TMPRSS6: variants seen among roughly 807,000 people sequenced by gnomAD.
TMPRSS6 encodes transmembrane serine protease 6.
A neutral mutation model predicts 101.5 loss-of-function variants in TMPRSS6; 67 were observed. The observed-to-expected ratio is 0.66, with a 90% CI of 0.54 to 0.81. The LOEUF is 0.81. Among genes scored for constraint, TMPRSS6 ranks in the 30% least tolerant of loss-of-function variants. The pLI is 0.00. For synonymous variants in TMPRSS6, 453 were observed against 464.9 expected (o/e 0.97, Z 0.33); for missense variants, 1,034 against 1,088.7 (o/e 0.95, Z 0.71).
chr22:37,076,604 C>G (rs979673411), intron 10 of TMPRSS6, among the ~76,000 whole-genome samples: 1 of 152,204 alleles, frequency 6.6e-6, no homozygotes, highest in Non-Finnish European at 1.5e-5. Flanking sequence ...CCTCACCCCA[C>G]AGAGCAAGTG....
chr22:37,095,584 C>T lies in TMPRSS6; in HGVS notation c.598G>A (p.Val200Met), dbSNP rs765416102. 2.5e-6 allele frequency: 4 copies of T among 1,607,760 alleles called. No individual in the cohort carries two copies. Among genetic ancestry groups the T allele is most frequent in the Non-Finnish European group, 3.4e-6 (4 of 1,178,344 alleles). The part of the protein sequence containing the change: ...PEGLVILEAS[V>M]KDIAALNSTL... ...GAATTCAATGCAGCTATGTCTTTCACACTGGCTTCTGATAAAAGGAAATGA... is the reference window on the plus strand; with the variant it reads ...GAATTCAATGCAGCTATGTCTTTCATACTGGCTTCTGATAAAAGGAAATGA... Residue 200 changes from valine (V) to methionine (M), a missense_variant, in exon 6 of 18, where the codon GTG becomes ATG. Val to Met is a conservative substitution (Grantham distance 21, BLOSUM62 1). Transcript: ENST00000676104.
chr22:37,095,623 C>T (rs750162187), intron 5 of TMPRSS6, 31 bp from the exon 6 acceptor site: 10 of 1,329,558 alleles, frequency 7.5e-6, no homozygotes, highest in Non-Finnish European at 1.0e-5. Context: ...AACAAATAAA[C>T]AAGAACAAAA....
rs539516978 is a variant in TMPRSS6 at position 37,083,225 on chromosome 22, A to G, written c.1196+1070T>C. The G allele has an allele frequency of 1.4e-4, 52 of 375,300 alleles. 1 individual carries two copies. The highest frequency in any genetic ancestry group is 8.5e-4 in the Middle Eastern group (2 of 2,348). The allele number at this position is 375,300 out of a possible 1,614,324, so 23.2% of individuals were successfully genotyped here. A position where few individuals can be genotyped will look rare whatever the true frequency, so the allele number is the denominator to read the frequency against. On this transcript the variant is annotated intron_variant, in intron 10 of 17. Coordinates refer to ENST00000676104, the MANE Select transcript of TMPRSS6 (RefSeq NM_001374504.1). ...TCTCCTCTTTCCTGACGCTGACACG[A>G]TGACCGTTTTCACCCCGGATTCCCA...
At position 37,070,622 on chromosome 22, in the gene TMPRSS6, A is replaced by G. The variant is rs149567231; in HGVS notation, c.1703T>C (p.Ile568Thr). Residue 568 changes from isoleucine (I) to threonine (T), a missense_variant, in exon 15 of 18, where the codon ATT (isoleucine) becomes ACT (threonine). By Grantham distance (89) the Ile-to-Thr change is moderately conservative. Transcript: ENST00000676104. ...DCGLQGPSSR[I>T]VGGAVSSEGE... ...CTCGGAGGACACAGCTCCACCAACAATGCGGCTGGAGGGGCCCTGGAGGCC... is the reference window on the plus strand; with the variant it reads ...CTCGGAGGACACAGCTCCACCAACAGTGCGGCTGGAGGGGCCCTGGAGGCC... The G allele has an allele frequency of 9.4e-5, 151 of 1,611,692 alleles. No individual in the cohort carries two copies. Among genetic ancestry groups the G allele is most frequent in the Non-Finnish European group, 1.2e-4 (143 of 1,179,254 alleles).
intron 15 of TMPRSS6, among the ~76,000 whole-genome samples, 169 bp downstream of exon 15, chr22:37,070,315 C>T (rs112687578): frequency 1.3e-5 from 2 of 152,254 alleles, no homozygotes; most frequent in East Asian, 1.9e-4. Context: ...TGTCCGGGGA[C>T]CCAGAAGGTC....
chr22:37,075,389 G>A (rs570718248), intron 10 of TMPRSS6, 109 bp from the exon 11 acceptor site: 74 of 1,439,632 alleles, frequency 5.1e-5, no homozygotes, highest in African/African-American at 3.1e-4. Context: ...CTGCACGCCC[G>A]CTGTGCCTCC....
In TMPRSS6 at chr22:37,074,643, C is replaced by CAAGGA. The variant is rs1927447535; in HGVS notation, c.1407_1408insTCCTT (p.Asp470SerfsTer68). On this transcript the variant is annotated frameshift_variant, in exon 12 of 18. Transcript: ENST00000676104. LOFTEE classifies it high-confidence loss of function. ...CTCTCATCCAGGCCGTTGGGGCAGTCCTTGACCCCATCACAGGCAGGGACA... is the reference window on the plus strand; with the variant it reads ...CTCTCATCCAGGCCGTTGGGGCAGTCAAGGACTTGACCCCATCACAGGCAGGGACA... The CAAGGA allele has an allele frequency of 6.2e-7, 1 of 1,614,078 alleles. No individual in the cohort carries two copies. The highest frequency in any genetic ancestry group is 8.5e-7 in the Non-Finnish European group (1 of 1,180,036).
At chr22:37,076,863 A>G (rs1312567852) in intron 10 of TMPRSS6, among the ~76,000 whole-genome samples, 1 of 152,192 alleles carries the variant, frequency 6.6e-6, no homozygotes, top group East Asian at 1.9e-4. Flanking sequence ...CTGGCAGAGA[A>G]AGCAGATGGA....
chr22:37,082,910 A>T (rs752399324), intron 10 of TMPRSS6: 9 of 458,366 alleles, frequency 2.0e-5, no homozygotes, highest in Non-Finnish European at 4.0e-5. Flanking sequence ...AGTCAAGCAA[A>T]CCTTGTCATT....
chr22:37,093,599 C>T (rs1481462776), intron 6 of TMPRSS6, among the ~76,000 whole-genome samples: 2 of 149,956 alleles, frequency 1.3e-5, no homozygotes, highest in African/African-American at 2.4e-5. Flanking sequence ...GACGGGGTTT[C>T]GCCTTCTTGG....
chr22:37,098,578 T>A, intron 2 of TMPRSS6, 29 bp from the exon 3 acceptor site: 1 of 1,614,052 alleles, frequency 6.2e-7, no homozygotes. Flanking sequence ...GCAGGGTTAG[T>A]GGAGGAAGCA....
intron 16 of TMPRSS6, among the ~76,000 whole-genome samples, chr22:37,067,756 C>G (rs1043445741): frequency 2.0e-5 from 3 of 152,228 alleles, no homozygotes; most frequent in Admixed American, 6.5e-5. Flanking sequence ...TGAAACTCCC[C>G]GTATGGTTCT....
rs749560536 is a variant in TMPRSS6, at chr22:37,068,569, C to T, written c.2113+504G>A. 6.4e-6 allele frequency: 5 copies of T among 779,172 alleles called. No homozygotes were observed. The East Asian group carries it at 7.3e-5, about 11-fold the overall frequency. 48.3% of individuals were successfully genotyped at this position (779,172 alleles called of 1,614,324 possible). On this transcript the variant is annotated intron_variant, in intron 16 of 17. Coordinates refer to ENST00000676104, the MANE Select transcript of TMPRSS6 (RefSeq NM_001374504.1). ...AGCAGGGGCTCTGGAGGCAGCCAGC[C>T]CTGGGTTCTAATCTTTGCTCCAGTC...
At chr22:37,068,390 CATT>C (rs1246754588) in intron 16 of TMPRSS6, among the ~76,000 whole-genome samples, 9 of 152,244 alleles carry the variant, frequency 5.9e-5, no homozygotes, top group African/African-American at 2.2e-4. Flanking sequence ...TCACTGTACA[CATT>C]TTTGAAGCCA....
At chr22:37,067,336 G>A (rs1926397345) in intron 16 of TMPRSS6, among the ~76,000 whole-genome samples, 1 of 152,128 alleles carries the variant, frequency 6.6e-6, no homozygotes. Context: ...TGGGTGTGGT[G>A]GCACATGCCT....
chr22:37,096,818 T>G (rs1037784135), intron 3 of TMPRSS6, 103 bp from the exon 4 acceptor site: 79 of 1,131,660 alleles, frequency 7.0e-5, no homozygotes, highest in Non-Finnish European at 1.0e-5. Flanking sequence ...CCCCGCTCCA[T>G]GCATGATTCT....
intron 12 of TMPRSS6, 27 bp from the exon 13 acceptor site, chr22:37,073,672 G>A (rs1360344073): frequency 6.4e-7 from 1 of 1,558,686 alleles, no homozygotes; most frequent in Non-Finnish European, 8.9e-7. Context: ...AGAGGGGACA[G>A]GTGGGAGGAA....
intron 10 of TMPRSS6, among the ~76,000 whole-genome samples, chr22:37,079,335 T>A (rs1445935930): frequency 6.6e-6 from 1 of 152,158 alleles, no homozygotes; most frequent in Non-Finnish European, 1.5e-5. Flanking sequence ...CCTCTCTGGA[T>A]ATGGGGAATA....
intron 4 of TMPRSS6, 141 bp downstream of exon 4, chr22:37,096,507 G>T: frequency 1.1e-6 from 1 of 916,104 alleles, no homozygotes; most frequent in Non-Finnish European, 1.8e-6. Context: ...AGGGTGACAT[G>T]CAGGAAGCCA....
Sources: gnomAD v4.1 joint callset for allele counts (sites outside exome capture counted in the v4.1 genomes callset) on GRCh38, gnomAD v4.1.1 for gene constraint, MANE v1.5 for transcripts, NCBI Gene and HGNC (gene_info 2026-07-23, HGNC 2026-07-21) for gene names.